TERB1: variants seen among roughly 807,000 people sequenced by gnomAD.
TERB1 encodes the protein telomere repeat binding bouquet formation protein 1, also known as telomere repeats-binding bouquet formation protein 1.
Under a neutral mutation model 92.3 loss-of-function variants are expected in TERB1, and 63 were observed. The observed-to-expected ratio is 0.68, with a 90% CI of 0.56 to 0.84. The LOEUF is 0.84. TERB1 is among the 40% of genes least tolerant of loss of function. TERB1 has a pLI of 0.00. For synonymous variants in TERB1, 252 were observed against 283.9 expected (o/e 0.89, Z 1.13); for missense variants, 709 against 843.7 (o/e 0.84, Z 1.98).
Position 66,777,282 on chromosome 16 carries a change from T to A in TERB1, c.906A>T (p.Ala302=), listed in dbSNP as rs949255127. The change falls in exon 11 of 19, where the codon GCA becomes GCT. Residue 302 remains alanine, a synonymous_variant. Coordinates refer to ENST00000433154, the MANE Select transcript of TERB1 (RefSeq NM_001136505.2). ...AATCCAGACTTTCATGAAGCAGTAA[T>A]GCCAGAAGTTTAGAAACAATGTGGT... is the stretch of plus-strand genomic sequence containing the variant. ...SKYHIVSKLL[A]LLLHESLDSG... 6.5e-7 allele frequency: 1 copy of A among 1,550,020 alleles called. No homozygotes were observed. Among genetic ancestry groups the A allele is most frequent in the African/African-American group, 1.4e-5 (1 of 73,008 alleles).
intron 11 of TERB1, 84 bp from the exon 12 acceptor site, chr16:66,775,327 A>G (rs2018527869): frequency 1.5e-6 from 2 of 1,305,150 alleles, no homozygotes; most frequent in South Asian, 2.7e-5. Context: ...GATAATTATG[A>G]ACATAGTTCA....
chr16:66,801,924 T>C (rs145593222), upstream of TERB1, among the ~76,000 whole-genome samples: 65 of 152,310 alleles, frequency 4.3e-4, no homozygotes, highest in South Asian at 6.0e-3. Context: ...ATCTGTGCTG[T>C]GTGTTCTCCC....
At chr16:66,777,594 A>AT (rs1466683366) in intron 10 of TERB1, among the ~76,000 whole-genome samples, 2 of 152,150 alleles carry the variant, frequency 1.3e-5, no homozygotes, top group African/African-American at 4.8e-5. Flanking sequence ...ACTAAAGCAA[A>AT]TTTTTTGAAG....
chr16:66,792,976 CAATTT>C (rs1465958932), intron 3 of TERB1, among the ~76,000 whole-genome samples: 4 of 151,296 alleles, frequency 2.6e-5, no homozygotes, highest in Non-Finnish European at 4.4e-5. Context: ...TTATACTACT[CAATTT>C]ATTTTTAAAA....
Position 66,755,128 on chromosome 16 carries a change from C to T in TERB1, c.2032G>A (p.Glu678Lys), listed in dbSNP as rs1044765445. The change falls in exon 19 of 19, where the codon GAA becomes AAA. Residue 678 changes from glutamate (E) to lysine (K), a missense_variant. Physicochemically the swap from Glu to Lys is moderately conservative, Grantham distance 56. Transcript: ENST00000433154. Reference protein sequence around the residue: ...RRIRKNFTEEEVNYLFNGVKK... With the variant: ...RRIRKNFTEEKVNYLFNGVKK... ...ACTCCATTGAAAAGGTAATTTACTT[C>T]TTCTTCAGTAAAGTTTTTGCGAATT... 5.8e-6 allele frequency: 9 copies of T among 1,548,198 alleles called. No homozygotes were observed. In the African/African-American group the frequency reaches 1.2e-4, roughly 21 times the overall value.
chr16:66,783,498 A>G (rs1469021868), intron 9 of TERB1, among the ~76,000 whole-genome samples: 1 of 152,134 alleles, frequency 6.6e-6, no homozygotes, highest in Non-Finnish European at 1.5e-5. Context: ...TTTTACATCT[A>G]TGTTCATAGA....
At chr16:66,790,392 GGAAAGGAAAGGAAAC>G (rs775625280) in intron 5 of TERB1, among the ~76,000 whole-genome samples, 188 bp downstream of exon 5, 16 of 146,426 alleles carry the variant, frequency 1.1e-4, no homozygotes, top group Non-Finnish European at 1.8e-4. Context: ...GGAAAGGAAC[GGAAAGGAAAGGAAAC>G]GAAAGGAAAG....
chr16:66,789,991 G>C (rs138160346), intron 5 of TERB1, among the ~76,000 whole-genome samples: 1 of 152,080 alleles, frequency 6.6e-6, no homozygotes, highest in Admixed American at 6.6e-5. Context: ...GATTATAGGC[G>C]TGAGCCACCA....
chr16:66,790,331 G>A lies in TERB1; in HGVS notation c.271+264C>T, dbSNP rs190288632. ...AGAAGGGAAAGGAGGGAGGGGAAGG[G>A]AAGAGAAAAGAAAGAAAGAGAGAGA... On this transcript the variant is annotated intron_variant, in intron 5 of 18. Transcript: ENST00000433154. 6.6e-4 allele frequency among the ~76,000 whole-genome samples: 93 copies of A among 140,722 alleles called. 1 individual carries two copies. The East Asian group carries it at 0.017, about 26-fold the overall frequency. The allele number at this position is 140,722 out of a possible 152,430, so 92.3% of individuals were successfully genotyped here. A position where few individuals can be genotyped will look rare whatever the true frequency, so the allele number is the denominator to read the frequency against.
At chr16:66,772,178 C>A (rs1249706488) in intron 13 of TERB1, among the ~76,000 whole-genome samples, 1 of 151,990 alleles carries the variant, frequency 6.6e-6, no homozygotes, top group Admixed American at 6.6e-5. Context: ...ACCCTCCAAC[C>A]TCTACTGTTA....
intron 2 of TERB1, among the ~76,000 whole-genome samples, chr16:66,797,318 C>A (rs1959202361): frequency 6.6e-6 from 1 of 151,464 alleles, no homozygotes; most frequent in Admixed American, 6.6e-5. Context: ...TCCCTGCAGC[C>A]TTGACCTCCC....
chr16:66,759,130 G>C lies in TERB1; in HGVS notation c.1930+11C>G. 6.5e-7 allele frequency: 1 copy of C among 1,529,496 alleles called. No homozygotes were observed. The highest frequency in any genetic ancestry group is 8.8e-7 in the Non-Finnish European group (1 of 1,137,356). 94.7% of individuals were successfully genotyped at this position (1,529,496 alleles called of 1,614,324 possible). ...CCATAATTACAATTTTAAAGCTGCT[G>C]AATTAATTACTTTTGTTACAGATAA... On this transcript the variant is annotated intron_variant, in intron 17 of 18. Transcript: ENST00000433154.
At chr16:66,787,114 T>C (rs1465026558) in intron 6 of TERB1, among the ~76,000 whole-genome samples, 1 of 151,986 alleles carries the variant, frequency 6.6e-6, no homozygotes, top group Non-Finnish European at 1.5e-5. Flanking sequence ...ATTTCTTTTT[T>C]TTGAGGCAGA....
chr16:66,757,262 C>T (rs2018153217), intron 18 of TERB1, among the ~76,000 whole-genome samples: 1 of 152,146 alleles, frequency 6.6e-6, no homozygotes, highest in South Asian at 2.1e-4. Flanking sequence ...TTTCTGAGCT[C>T]AATGTCACTT....
chr16:66,794,978 C>G (rs566608616), intron 3 of TERB1, among the ~76,000 whole-genome samples: 1 of 151,252 alleles, frequency 6.6e-6, no homozygotes, highest in African/African-American at 2.4e-5. Flanking sequence ...TTGGACTTAA[C>G]ATTTTAAACC....
intron 18 of TERB1, among the ~76,000 whole-genome samples, chr16:66,756,226 C>T (rs531233724): frequency 2.0e-5 from 3 of 152,166 alleles, no homozygotes; most frequent in Non-Finnish European, 4.4e-5. Flanking sequence ...GTGCAGTTGT[C>T]CTGGGTCACC....
In TERB1 at chr16:66,759,257, C is replaced by T. The variant is rs1280669541; in HGVS notation, c.1814G>A (p.Arg605Gln). Residue 605 changes from arginine (R) to glutamine (Q), a missense_variant, in exon 17 of 19, where the codon CGA (arginine) becomes CAA (glutamine). By Grantham distance (43) the Arg-to-Gln change is conservative (BLOSUM62 1). Coordinates refer to ENST00000433154, the MANE Select transcript of TERB1 (RefSeq NM_001136505.2). ...AGAGTGCAAGAGCTTGCTAAAGTTTCGGCTATTCAGGGATTTTTCTACTGC... is the reference window on the plus strand; with the variant it reads ...AGAGTGCAAGAGCTTGCTAAAGTTTTGGCTATTCAGGGATTTTTCTACTGC... Reference protein sequence around the residue: ...CIAVEKSLNSRNFSKLLHSCP... With the variant: ...CIAVEKSLNSQNFSKLLHSCP... The T allele has an allele frequency of 9.7e-6, 15 of 1,544,266 alleles. No homozygotes were observed. Among genetic ancestry groups the T allele is most frequent in the South Asian group, 7.3e-5 (6 of 81,892 alleles).
At chr16:66,788,031 A>C in intron 6 of TERB1, 138 bp downstream of exon 6, 1 of 587,900 alleles carries the variant, frequency 1.7e-6, no homozygotes, top group Non-Finnish European at 2.7e-6. Flanking sequence ...ACTGCACTCC[A>C]CCTTGGGTGT....
At chr16:66,777,069 C>T (rs1271477556) in intron 11 of TERB1, 134 bp downstream of exon 11, 2 of 732,212 alleles carry the variant, frequency 2.7e-6, no homozygotes, top group East Asian at 5.5e-5. Context: ...GCTGAAATGA[C>T]TAGTTTGAGG....
Sources: allele counts gnomAD v4.1 joint callset (sites outside exome capture counted in the v4.1 genomes callset), GRCh38; gene constraint gnomAD v4.1.1; transcripts MANE v1.5; gene names NCBI Gene and HGNC (gene_info 2026-07-23, HGNC 2026-07-21).